Variants in RAD51B observed in about 807,000 individuals in gnomAD.
The protein encoded by RAD51B is RAD51 paralog B.
Under a neutral mutation model 42.2 loss-of-function variants are expected in RAD51B, and 38 were observed. The ratio of observed to expected loss-of-function variants is 0.90; its 90% CI spans 0.70 to 1.18. The LOEUF (loss-of-function observed/expected upper bound fraction) is 1.18, where lower values mean the gene tolerates loss of function less well. Ranked by LOEUF, RAD51B falls within the 50% of genes most tolerant of loss-of-function variation. The probability of loss-of-function intolerance (pLI) is 0.00; values close to 1 mark genes in which losing one functional copy is unlikely to be tolerated. For synonymous variants in RAD51B, 154 were observed against 145.2 expected (o/e 1.06, Z -0.43); for missense variants, 373 against 400.7 (o/e 0.93, Z 0.59).
intron 7 of RAD51B, among the ~76,000 whole-genome samples, chr14:68,200,250 G>C (rs1010182462): frequency 7.9e-5 from 12 of 152,108 alleles, no homozygotes; most frequent in Admixed American, 4.6e-4. Context: ...GTCTGGCATG[G>C]GGGAGCCCAA....
intron 7 of RAD51B, among the ~76,000 whole-genome samples, chr14:67,977,793 C>T (rs2140265088): frequency 6.6e-6 from 1 of 152,292 alleles, no homozygotes; most frequent in East Asian, 1.9e-4. Context: ...CCATAATATT[C>T]TTGGCATACT....
intron 7 of RAD51B, among the ~76,000 whole-genome samples, chr14:68,177,328 C>T (rs183658858): frequency 8.3e-4 from 127 of 152,216 alleles, no homozygotes; most frequent in African/African-American, 6.7e-4. Context: ...GGTGTGCATG[C>T]ATGTGTGTAT....
chr14:68,162,456 A>G (rs958908080), intron 7 of RAD51B, among the ~76,000 whole-genome samples: 1 of 152,238 alleles, frequency 6.6e-6, no homozygotes, highest in Non-Finnish European at 1.5e-5. Flanking sequence ...AATATTTCAT[A>G]TAGAAGTTTC....
chr14:68,001,024 T>C (rs2075472836), intron 7 of RAD51B, among the ~76,000 whole-genome samples: 1 of 152,200 alleles, frequency 6.6e-6, no homozygotes, highest in Non-Finnish European at 1.5e-5. Context: ...TCTATAATAT[T>C]ATAGACTTTT....
intron 8 of RAD51B, among the ~76,000 whole-genome samples, chr14:68,334,486 G>A (rs1164135257): frequency 2.0e-5 from 3 of 152,174 alleles, no homozygotes; most frequent in Non-Finnish European, 4.4e-5. Flanking sequence ...CTCAGAGGTG[G>A]CAGAGGTAGA....
intron 10 of RAD51B, among the ~76,000 whole-genome samples, chr14:68,637,725 G>A (rs947342411): frequency 1.3e-5 from 2 of 152,308 alleles, no homozygotes; most frequent in East Asian, 3.9e-4. Flanking sequence ...TTCATCAGTG[G>A]GGATGGAAAA....
At chr14:68,594,840 C>T in exon 11 of RAD51B, 1 of 1,192,616 alleles carries the variant, frequency 8.4e-7, no homozygotes, top group South Asian at 2.1e-5. Flanking sequence ...AGGTGCCCCT[C>T]CCCAGACCAA....
chr14:68,409,716 G>A (rs1290677417), intron 8 of RAD51B, among the ~76,000 whole-genome samples: 1 of 152,182 alleles, frequency 6.6e-6, no homozygotes, highest in Non-Finnish European at 1.5e-5. Flanking sequence ...AGATGCAGAG[G>A]CAGCTGACAA....
chr14:68,452,142 A>G (rs902981249), intron 9 of RAD51B, among the ~76,000 whole-genome samples: 16 of 152,094 alleles, frequency 1.1e-4, no homozygotes, highest in Non-Finnish European at 8.8e-5. Flanking sequence ...GGATATACAG[A>G]GCTTAGCATT....
At chr14:68,451,732 T>G (rs998755386) in intron 9 of RAD51B, among the ~76,000 whole-genome samples, 1 of 152,232 alleles carries the variant, frequency 6.6e-6, no homozygotes, top group South Asian at 2.1e-4. Flanking sequence ...TCACTAGAAT[T>G]GGTTCCTCCA....
rs573322793 is a variant in RAD51B at position 67,867,632 on chromosome 14, C to T, written c.452+2493C>T. 1.4e-4 allele frequency among the ~76,000 whole-genome samples: 22 copies of T among 152,270 alleles called. 1 individual carries two copies. The highest frequency in any genetic ancestry group is 1.1e-3 in the Admixed American group (17 of 15,300). On this transcript the variant is annotated intron_variant, in intron 5 of 10. Coordinates refer to ENST00000471583, the MANE Select transcript of RAD51B (RefSeq NM_133510.4). Reference sequence around the variant, plus strand: ...TGGGAAAGTGAGGGGAGAAGATCGTCGTAACAATCATGATGAGTTGTCTGG... The same window carrying T: ...TGGGAAAGTGAGGGGAGAAGATCGTTGTAACAATCATGATGAGTTGTCTGG...
At chr14:68,141,579 C>T (rs527658998) in intron 7 of RAD51B, among the ~76,000 whole-genome samples, 98 of 152,206 alleles carry the variant, frequency 6.4e-4, no homozygotes, top group African/African-American at 2.1e-3. Flanking sequence ...CGTGTGACAA[C>T]GCTGAAAAGT....
intron 7 of RAD51B, among the ~76,000 whole-genome samples, chr14:68,223,901 A>C (rs1471809699): frequency 6.6e-6 from 1 of 152,316 alleles, no homozygotes; most frequent in Non-Finnish European, 1.5e-5. Context: ...GGGAGGCTTA[A>C]CTGACAAACC....
At chr14:68,599,328 C>T (rs144036251), downstream of RAD51B, among the ~76,000 whole-genome samples, 20 of 152,298 alleles carry the variant, frequency 1.3e-4, no homozygotes, top group East Asian at 3.9e-3. Context: ...AGGAGGCTAG[C>T]ATCCTCCTTC....
At chr14:68,155,619 G>C (rs560169127) in intron 7 of RAD51B, among the ~76,000 whole-genome samples, 8 of 152,256 alleles carry the variant, frequency 5.3e-5, no homozygotes, top group African/African-American at 1.4e-4. Flanking sequence ...ATACAGAAAA[G>C]CCTCTTCTTA....
intron 7 of RAD51B, among the ~76,000 whole-genome samples, chr14:67,915,891 T>G (rs2044135015): frequency 1.3e-5 from 2 of 152,222 alleles, no homozygotes; most frequent in Admixed American, 1.3e-4. Context: ...ATAATTTAAG[T>G]GTTTGAATAG....
intron 7 of RAD51B, among the ~76,000 whole-genome samples, chr14:68,139,826 C>T (rs1002835089): frequency 2.0e-5 from 3 of 152,232 alleles, no homozygotes; most frequent in African/African-American, 7.2e-5. Context: ...GCACTAGGCA[C>T]CCTCAGATAA....
At chr14:68,668,466 G>A (rs1006609125) in intron 11 of RAD51B, among the ~76,000 whole-genome samples, 2 of 152,190 alleles carry the variant, frequency 1.3e-5, no homozygotes, top group Non-Finnish European at 2.9e-5. Flanking sequence ...ACTAGATCCT[G>A]GCCAAACGGA....
intron 10 of RAD51B, among the ~76,000 whole-genome samples, chr14:68,519,455 T>A (rs1886416602): frequency 1.3e-5 from 2 of 152,206 alleles, no homozygotes. Context: ...ATCTGACTCT[T>A]GGCATCTGGA....
Sources: allele counts gnomAD v4.1 joint callset (sites outside exome capture counted in the v4.1 genomes callset), GRCh38; gene constraint gnomAD v4.1.1; transcripts MANE v1.5; gene names NCBI Gene and HGNC (gene_info 2026-07-23, HGNC 2026-07-21).